Variants in SPINK1 observed in about 807,000 individuals in gnomAD.
The protein encoded by SPINK1 is serine peptidase inhibitor Kazal type 1, also known as serine protease inhibitor Kazal-type 1.
SPINK1 carries 5 observed loss-of-function variants against 9.5 expected under a neutral mutation model. The observed-to-expected ratio is 0.52, with a 90% confidence interval of 0.27 to 1.10. The LOEUF (loss-of-function observed/expected upper bound fraction) is 1.10, where lower values mean the gene tolerates loss of function less well. Ranked by LOEUF, SPINK1 falls within the 50% of genes least tolerant of loss-of-function variation. The probability of loss-of-function intolerance (pLI) is 0.11; values close to 1 mark genes in which losing one functional copy is unlikely to be tolerated. For synonymous variants in SPINK1, 37 were observed against 32.3 expected (o/e 1.14, Z -0.49); for missense variants, 88 against 92.7 (o/e 0.95, Z 0.21).
At chr5:147,829,659 G>A (rs1245865134) in intron 1 of SPINK1, 29 bp from the exon 2 acceptor site, 1 of 1,606,220 alleles carries the variant, frequency 6.2e-7, no homozygotes, top group East Asian at 2.2e-5. Flanking sequence ...TGGTAAGTTG[G>A]GTCCTAAATG....
chr5:147,829,632 T>C lies in SPINK1; in HGVS notation c.56-2A>G. Reference sequence around the variant, plus strand: ...CCAGGGAGTCAGCTCCAGTGTTACCTAGAAATAAATCAGATATGGTAAGTT... The same window carrying C: ...CCAGGGAGTCAGCTCCAGTGTTACCCAGAAATAAATCAGATATGGTAAGTT... On this transcript the variant is annotated splice_acceptor_variant, in intron 1 of 3. Transcript: ENST00000296695. LOFTEE classifies it high-confidence loss of function. 6.2e-7 allele frequency: 1 copy of C among 1,611,812 alleles called. No homozygotes were observed. Among genetic ancestry groups the C allele is most frequent in the Non-Finnish European group, 8.5e-7 (1 of 1,178,334 alleles).
At chr5:147,836,678 A>G in the SPINK1 span, among the ~76,000 whole-genome samples, 1 of 152,244 alleles carries the variant, frequency 6.6e-6, no homozygotes, top group South Asian at 2.1e-4. Flanking sequence ...GCAACAAAAT[A>G]TTTTAAAAAC....
chr5:147,829,706 C>CAATGAAAGCAGAGAA, intron 1 of SPINK1, 76 bp from the exon 2 acceptor site: 2 of 1,352,350 alleles, frequency 1.5e-6, no homozygotes, highest in Non-Finnish European at 2.1e-6. Flanking sequence ...GAATTCTCTG[C>CAATGAAAGCAGAGAA]TTTCATTGCA....
upstream of SPINK1, chr5:147,831,930 T>A: frequency 1.4e-6 from 1 of 701,164 alleles, no homozygotes; most frequent in Non-Finnish European, 2.0e-6. Flanking sequence ...TAAGATGAAC[T>A]CAAAGATCCC....
intron 2 of SPINK1, among the ~76,000 whole-genome samples, chr5:147,828,772 C>T (rs1756456831): frequency 6.6e-6 from 1 of 152,190 alleles, no homozygotes; most frequent in Non-Finnish European, 1.5e-5. Flanking sequence ...TAAAATTAGC[C>T]AAGGCCACCC....
At chr5:147,826,755 C>G (rs533338555) in intron 3 of SPINK1, among the ~76,000 whole-genome samples, 1 of 152,256 alleles carries the variant, frequency 6.6e-6, no homozygotes, top group East Asian at 1.9e-4. Flanking sequence ...TCTAAAACTT[C>G]AGGATATTAG....
intron 1 of SPINK1, among the ~76,000 whole-genome samples, chr5:147,829,933 G>T (rs1047033378): frequency 6.6e-6 from 1 of 152,194 alleles, no homozygotes. Context: ...TGCTGGAAAT[G>T]AATCAGGCAC....
intron 2 of SPINK1, among the ~76,000 whole-genome samples, chr5:147,828,421 G>A (rs989539474): frequency 1.5e-4 from 23 of 152,258 alleles, no homozygotes; most frequent in Middle Eastern, 6.8e-3. Flanking sequence ...TCATAGTGTT[G>A]TTGTGAGATT....
rs767903021 is a variant in SPINK1, at chr5:147,828,114, ATTGTAACAT to A, written c.93_101del (p.Lys31_Tyr33del). ...ATATCTTGGTGCATCCATTAAGTTC[ATTGTAACAT>A]TTGGCCTAAAAATGGAATTAAACAG... On this transcript the variant is annotated inframe_deletion, in exon 3 of 4. Transcript: ENST00000296695. 6.2e-7 allele frequency: 1 copy of A among 1,612,934 alleles called. No homozygotes were observed. The highest frequency in any genetic ancestry group is 1.1e-5 in the South Asian group (1 of 91,012).
intron 2 of SPINK1, among the ~76,000 whole-genome samples, chr5:147,828,680 T>C (rs2127134657): frequency 6.6e-6 from 1 of 152,340 alleles, no homozygotes; most frequent in East Asian, 1.9e-4. Context: ...TTTTTATATA[T>C]TATTCTGTTT....
intron 1 of SPINK1, among the ~76,000 whole-genome samples, chr5:147,830,712 C>T (rs1580943244): frequency 6.6e-6 from 1 of 152,116 alleles, no homozygotes; most frequent in East Asian, 1.9e-4. Flanking sequence ...CAATATTCTT[C>T]CTCTTCTTAG....
rs181062125 is a variant in SPINK1, at chr5:147,825,990, C to T, written c.195-1284G>A. 1.6e-3 allele frequency among the ~76,000 whole-genome samples: 247 copies of T among 152,266 alleles called. 3 individuals carry two copies. Among genetic ancestry groups the T allele is most frequent in the African/African-American group, 5.4e-3 (226 of 41,550 alleles). On this transcript the variant is annotated intron_variant, in intron 3 of 3. Coordinates refer to ENST00000296695, the MANE Select transcript of SPINK1 (RefSeq NM_001379610.1). ...GCCACATTTAAGTTAGTGTTAGCCA[C>T]ATTAAGGCTACTGTTTTGTGGCTAG... is the stretch of plus-strand genomic sequence containing the variant.
chr5:147,825,428 T>C (rs961886771), intron 3 of SPINK1, among the ~76,000 whole-genome samples: 1 of 145,908 alleles, frequency 6.9e-6, no homozygotes, highest in African/African-American at 2.4e-5. Context: ...TCTTTTTTTT[T>C]TCTTTTCTTT....
chr5:147,835,083 A>G (rs1756574032), upstream of SPINK1, among the ~76,000 whole-genome samples: 1 of 152,090 alleles, frequency 6.6e-6, no homozygotes, highest in African/African-American at 2.4e-5. Context: ...TAAATTTGTG[A>G]TAGGGAATGG....
intron 3 of SPINK1, chr5:147,827,456 C>G (rs1481519798): frequency 6.5e-6 from 1 of 152,672 alleles, no homozygotes; most frequent in East Asian, 1.9e-4. Context: ...TTATAAGAAG[C>G]CATCCTATAC....
chr5:147,827,733 C>A lies in SPINK1; in HGVS notation c.194+289G>T, dbSNP rs893819208. ...AACTGAGGGCTTTAAAAAACACAATCATTGCAACCACTAATAATTTTTTTA... is the reference window on the plus strand; with the variant it reads ...AACTGAGGGCTTTAAAAAACACAATAATTGCAACCACTAATAATTTTTTTA... On this transcript the variant is annotated intron_variant, in intron 3 of 3. Transcript: ENST00000296695. The A allele has an allele frequency of 5.3e-5, 14 of 261,694 alleles. No individual in the cohort carries two copies. In the East Asian group the frequency reaches 1.2e-3, roughly 22 times the overall value. The allele number at this position is 261,694 out of a possible 1,614,324, so 16.2% of individuals were successfully genotyped here.
At chr5:147,825,341 C>G (rs1292777371) in intron 3 of SPINK1, among the ~76,000 whole-genome samples, 1 of 151,986 alleles carries the variant, frequency 6.6e-6, no homozygotes, top group East Asian at 1.9e-4. Context: ...ACCATTTTTT[C>G]TTTGAATGTA....
At chr5:147,835,084 T>C (rs978323360), upstream of SPINK1, among the ~76,000 whole-genome samples, 2 of 152,144 alleles carry the variant, frequency 1.3e-5, no homozygotes, top group Middle Eastern at 3.4e-3. Flanking sequence ...AAATTTGTGA[T>C]AGGGAATGGC....
intron 2 of SPINK1, 35 bp from the exon 3 acceptor site, chr5:147,828,163 A>T (rs1472676104): frequency 6.6e-7 from 1 of 1,518,042 alleles, no homozygotes; most frequent in Admixed American, 1.7e-5. Context: ...ATTTCCCATT[A>T]TTCTCCATTC....
Sources: gnomAD v4.1 joint callset for allele counts (sites outside exome capture counted in the v4.1 genomes callset) on GRCh38, gnomAD v4.1.1 for gene constraint, MANE v1.5 for transcripts, NCBI Gene and HGNC (gene_info 2026-07-23, HGNC 2026-07-21) for gene names.